LAMB4: variants seen among roughly 807,000 people sequenced by gnomAD.
LAMB4 encodes laminin subunit beta-4.
In LAMB4, 196 loss-of-function variants were observed where a neutral mutation model predicts 199.2. That is an observed-to-expected ratio of 0.98 (90% CI 0.88 to 1.11). The LOEUF (loss-of-function observed/expected upper bound fraction) is 1.11. Ranked by LOEUF, LAMB4 falls within the 50% of genes least tolerant of loss-of-function variation. The pLI is 0.00. For synonymous variants in LAMB4, 744 were observed against 770.6 expected, an observed-to-expected ratio of 0.97 and a Z score of 0.57; for missense variants, 2,080 against 2,171.2, an observed-to-expected ratio of 0.96 and a Z score of 0.83.
At chr7:108,044,572 A>T (rs1477495065) in intron 28 of LAMB4, among the ~76,000 whole-genome samples, 1 of 152,236 alleles carries the variant, frequency 6.6e-6, no homozygotes, top group Non-Finnish European at 1.5e-5. Context: ...CAGAAGCAAT[A>T]GGACAATATT....
rs147625630 is a variant in LAMB4 at position 108,102,775 on chromosome 7, A to C, written c.1180+269T>G. 5.6e-3 allele frequency among the ~76,000 whole-genome samples: 859 copies of C among 152,312 alleles called. 11 individuals carry two copies. Among genetic ancestry groups the C allele is most frequent in the African/African-American group, 0.019 (805 of 41,574 alleles). Reference sequence around the variant, plus strand: ...ATTTTACCACTTTGGTTCCTCCCCCAGCAGGCTTCCATGATACTCAAGGCG... The same window carrying C: ...ATTTTACCACTTTGGTTCCTCCCCCCGCAGGCTTCCATGATACTCAAGGCG... On this transcript the variant is annotated intron_variant, in intron 10 of 33. Coordinates refer to ENST00000388781, the MANE Select transcript of LAMB4 (RefSeq NM_007356.3).
intron 13 of LAMB4, among the ~76,000 whole-genome samples, 167 bp downstream of exon 13, chr7:108,092,170 C>G (rs941954506): frequency 6.6e-6 from 1 of 152,118 alleles, no homozygotes; most frequent in African/African-American, 2.4e-5. Context: ...GTTTACCTCA[C>G]CCTTGGAAAT....
At position 108,055,848 on chromosome 7, in the gene LAMB4, T is replaced by A. The variant is rs377473420; in HGVS notation, c.3539A>T (p.Asp1180Val). 1.2e-6 allele frequency: 2 copies of A among 1,614,150 alleles called. No homozygotes were observed. Among genetic ancestry groups the A allele is most frequent in the African/African-American group, 1.3e-5 (1 of 75,036 alleles). Residue 1180 changes from aspartate to valine, a missense_variant, in exon 25 of 34, where the codon GAT becomes GTT. Coordinates refer to ENST00000388781, the MANE Select transcript of LAMB4 (RefSeq NM_007356.3). ...PTCLQCHLCF[D>V]QWDHTISSLS... ...GGAAGAAATGGTGTGGTCCCACTGA[T>A]CAAAGCACAAGTGACATTGAAGACA...
rs766582264 is a variant in LAMB4, at chr7:108,063,850, C to T, written c.2972G>A (p.Cys991Tyr). The change falls in exon 22 of 34, where the codon TGC becomes TAC. Residue 991 changes from cysteine (C) to tyrosine (Y), a missense_variant. By Grantham distance (194) the Cys-to-Tyr change is radical (BLOSUM62 -2). Transcript: ENST00000388781. ...CTGAGTGTTGTGCAAACATCGAAGGCACTCCCCTGTTACCCGGCTGCAGGA... is the reference window on the plus strand; with the variant it reads ...CTGAGTGTTGTGCAAACATCGAAGGTACTCCCCTGTTACCCGGCTGCAGGA... The part of the protein sequence containing the change: ...PESCSRVTGE[C>Y]LRCLHNTQGA... The T allele has an allele frequency of 1.2e-6, 2 of 1,614,206 alleles. No individual in the cohort carries two copies. The highest frequency in any genetic ancestry group is 3.3e-5 in the Admixed American group (2 of 60,030).
chr7:108,085,893 G>A (rs151047118), intron 14 of LAMB4, among the ~76,000 whole-genome samples: 348 of 152,264 alleles, frequency 2.3e-3, no homozygotes, highest in African/African-American at 8.0e-3. Flanking sequence ...GATTACAGGC[G>A]TGAGCCACTG....
rs925490288 is a variant in LAMB4 at position 108,106,030 on chromosome 7, G to T, written c.657C>A (p.Asp219Glu). The T allele has an allele frequency of 2.5e-6, 4 of 1,612,194 alleles. No homozygotes were observed. In the South Asian group the frequency reaches 4.4e-5, roughly 18 times the overall value. ...TCCTCAGGTTTGTCAATGTCACAAG[G>T]TCTAAAGAAAGGAAAATAATGAATC... ...IENPYSPYIQ[D>E]LVTLTNLRIN... Residue 219 changes from aspartate (D) to glutamate (E), a missense_variant and splice_region_variant, in exon 8 of 34, where the codon GAC (aspartate) becomes GAA (glutamate). Transcript: ENST00000388781.
Position 108,062,947 on chromosome 7 carries a change from CA to C in LAMB4, c.3108del (p.Gly1037ValfsTer67), listed in dbSNP as rs776158749. 2 of 1,605,344 alleles carry C rather than the reference CA, an allele frequency of 1.2e-6. No individual in the cohort carries two copies. Among genetic ancestry groups the C allele is most frequent in the Non-Finnish European group, 8.5e-7 (1 of 1,176,374 alleles). On this transcript the variant is annotated frameshift_variant, in exon 23 of 34. Transcript: ENST00000388781. LOFTEE classifies it high-confidence loss of function. ...GGGTCACAGAGGCAAGCTCCCCCAC[CA>C]GGGGGACACTCCATGGGACTCACGC... ...ASGVSPMECP[P>X]GGGACLCDPV...
intron 22 of LAMB4, 150 bp downstream of exon 22, chr7:108,063,611 T>G: frequency 4.2e-6 from 3 of 708,160 alleles, no homozygotes; most frequent in Non-Finnish European, 7.7e-6. Flanking sequence ...TTTCTGTTGA[T>G]GAGTTCCGTA....
chr7:108,018,343 T>C, the LAMB4 span, among the ~76,000 whole-genome samples: 1 of 152,342 alleles, frequency 6.6e-6, no homozygotes, highest in East Asian at 1.9e-4. Context: ...AGTAAGAGAC[T>C]GGACATGGAG....
rs770761096 is a variant in LAMB4, at chr7:108,066,502, G to T, written c.2545C>A (p.Arg849Ser). ...HGEVSGRRCDRCLAGYFGFPS... is the reference protein window; with the variant it reads ...HGEVSGRRCDSCLAGYFGFPS... ...AATCCAAAGTAGCCTGCCAGGCAGC[G>T]ATCACAGCGGCGGCCAGACACCTCT... Residue 849 changes from arginine to serine, a missense_variant, in exon 20 of 34, where the codon CGC (arginine) becomes AGC (serine). Coordinates refer to ENST00000388781, the MANE Select transcript of LAMB4 (RefSeq NM_007356.3). 3.1e-6 allele frequency: 5 copies of T among 1,614,088 alleles called. No homozygotes were observed. The African/African-American group carries it at 6.7e-5, about 22-fold the overall frequency.
intron 14 of LAMB4, among the ~76,000 whole-genome samples, chr7:108,084,548 G>A (rs769076680): frequency 3.9e-5 from 6 of 152,152 alleles, no homozygotes; most frequent in African/African-American, 1.4e-4. Context: ...CTGCTTCCTT[G>A]TTGACCCATT....
chr7:108,067,931 T>C, intron 19 of LAMB4, 85 bp downstream of exon 19: 1 of 1,547,576 alleles, frequency 6.5e-7, no homozygotes, highest in South Asian at 1.2e-5. Flanking sequence ...CTCCTTCCCA[T>C]TAAAACCCCC....
At chr7:108,042,153 G>A (rs1195499462) in intron 29 of LAMB4, among the ~76,000 whole-genome samples, 1 of 152,086 alleles carries the variant, frequency 6.6e-6, no homozygotes. Context: ...AGAAGCAAGA[G>A]GTCGGTGGAG....
At chr7:108,091,538 T>C in intron 14 of LAMB4, 88 bp downstream of exon 14, 3 of 1,433,876 alleles carry the variant, frequency 2.1e-6, no homozygotes, top group Non-Finnish European at 2.8e-6. Flanking sequence ...TTTCTAGGTA[T>C]CTTAACCACG....
At chr7:108,075,280 T>A (rs542242488) in intron 17 of LAMB4, among the ~76,000 whole-genome samples, 14 of 152,328 alleles carry the variant, frequency 9.2e-5, no homozygotes, top group African/African-American at 3.1e-4. Flanking sequence ...TATGGTAGAA[T>A]CTACCAGGTA....
chr7:108,013,201 C>T, the LAMB4 span, among the ~76,000 whole-genome samples: 1 of 152,274 alleles, frequency 6.6e-6, no homozygotes, highest in South Asian at 2.1e-4. Flanking sequence ...TCTTAGTTTT[C>T]TTAGCCCTAA....
Position 108,034,283 on chromosome 7 carries a change from G to A in LAMB4, c.4743C>T (p.Ile1581=). Residue 1581 remains isoleucine (I), a synonymous_variant, in exon 31 of 34, where the codon ATC becomes ATT. Transcript: ENST00000388781. ...TGGTAGAGTTTGCCCGTCCTTGAGT[G>A]ATTTGAGCTTGTTGTAACTGGTTCA... ...KTLNQLQQAQ[I]TQGRANSTIT... 1.2e-6 allele frequency: 2 copies of A among 1,613,438 alleles called. No homozygotes were observed. Among genetic ancestry groups the A allele is most frequent in the Non-Finnish European group, 8.5e-7 (1 of 1,179,422 alleles).
At position 108,078,312 on chromosome 7, in the gene LAMB4, G is replaced by T; in HGVS notation, c.1892C>A (p.Ala631Glu). ...TIAIHYETQS[A>E]ADWTVQIVVN... is the part of the protein sequence containing the mutation. ...CACAATCTGGACAGTCCAGTCAGCT[G>T]CAGACTAGACAGGCATGACATTAAG... The change falls in exon 16 of 34, where the codon GCA (alanine) becomes GAA (glutamate). Residue 631 changes from alanine to glutamate, a missense_variant. Coordinates refer to ENST00000388781, the MANE Select transcript of LAMB4 (RefSeq NM_007356.3). 6.3e-7 allele frequency: 1 copy of T among 1,591,474 alleles called. No homozygotes were observed. The highest frequency in any genetic ancestry group is 2.2e-5 in the East Asian group (1 of 44,624).
At chr7:108,083,467 C>T (rs994284298) in intron 14 of LAMB4, among the ~76,000 whole-genome samples, 1 of 152,136 alleles carries the variant, frequency 6.6e-6, no homozygotes, top group Non-Finnish European at 1.5e-5. Flanking sequence ...GGTGGGAAAA[C>T]GTAATATCCC....
Sources: gnomAD v4.1 joint callset for allele counts (sites outside exome capture counted in the v4.1 genomes callset) on GRCh38, gnomAD v4.1.1 for gene constraint, MANE v1.5 for transcripts, NCBI Gene and HGNC (gene_info 2026-07-23, HGNC 2026-07-21) for gene names.